The following PTAFR variants were observed in gnomAD, a reference collection of about 807,000 sequenced individuals.
The protein encoded by PTAFR is platelet-activating factor receptor.
PTAFR carries 8 observed loss-of-function variants against 14.7 expected under a neutral mutation model. The ratio of observed to expected loss-of-function variants is 0.54; its 90% CI spans 0.32 to 0.98. PTAFR has a LOEUF of 0.98. PTAFR is among the 50% of genes least tolerant of loss of function. The pLI is 0.04. For synonymous variants in PTAFR, 156 were observed against 176.5 expected (o/e 0.88, Z 0.92); for missense variants, 337 against 451.2 (o/e 0.75, Z 2.29).
At chr1:28,164,420 A>G (rs1192471737) in intron 1 of PTAFR, among the ~76,000 whole-genome samples, 3 of 152,224 alleles carry the variant, frequency 2.0e-5, no homozygotes, top group African/African-American at 4.8e-5. Flanking sequence ...GGGGAACACC[A>G]CATTCCAAGT....
At chr1:28,180,116 C>T (rs1450045082), upstream of PTAFR, among the ~76,000 whole-genome samples, 1 of 152,120 alleles carries the variant, frequency 6.6e-6, no homozygotes, top group Non-Finnish European at 1.5e-5. Context: ...TGAGACCAAC[C>T]TGGGCAAAAC....
intron 1 of PTAFR, among the ~76,000 whole-genome samples, chr1:28,184,493 CAGG>C (rs1557698594): frequency 1.3e-5 from 2 of 152,190 alleles, no homozygotes; most frequent in Admixed American, 1.3e-4. Context: ...ATCTCACGTA[CAGG>C]AGAAGTCAAA....
chr1:28,172,491 G>T (rs1260676290), intron 1 of PTAFR, among the ~76,000 whole-genome samples: 1 of 152,214 alleles, frequency 6.6e-6, no homozygotes, highest in Non-Finnish European at 1.5e-5. Context: ...CTTCCTTGCT[G>T]CGTGATCCTT....
chr1:28,151,270 C>G (rs1171211736), intron 1 of PTAFR, among the ~76,000 whole-genome samples: 1 of 151,984 alleles, frequency 6.6e-6, no homozygotes, highest in Non-Finnish European at 1.5e-5. Context: ...ACCTCCGCCT[C>G]CCGGGTTCAA....
chr1:28,149,944 C>G lies in PTAFR; in HGVS notation c.*49G>C, dbSNP rs1019046206. ...GTAGATATCCCTTCTTCCCCCAGCT[C>G]AGTCCATGATGTTCATGGAGGAGAA... is the stretch of plus-strand genomic sequence containing the variant. On this transcript the variant is annotated 3_prime_UTR_variant, in exon 2 of 2. Transcript: ENST00000373857. 1 of 1,563,236 alleles carries G rather than the reference C, an allele frequency of 6.4e-7. No individual in the cohort carries two copies. The highest frequency in any genetic ancestry group is 1.4e-5 in the African/African-American group (1 of 73,964).
chr1:28,164,905 T>C (rs1646365127), intron 1 of PTAFR, among the ~76,000 whole-genome samples: 1 of 152,224 alleles, frequency 6.6e-6, no homozygotes, highest in South Asian at 2.1e-4. Flanking sequence ...AGGGATGGCA[T>C]GACCTGCTCT....
At chr1:28,173,783 T>C (rs1572043440) in intron 1 of PTAFR, among the ~76,000 whole-genome samples, 1 of 151,196 alleles carries the variant, frequency 6.6e-6, no homozygotes, top group Admixed American at 6.6e-5. Flanking sequence ...ACCAAGGGGG[T>C]GGGGAGGGGT....
chr1:28,185,683 A>G (rs1424909166), intron 1 of PTAFR, among the ~76,000 whole-genome samples: 3 of 148,654 alleles, frequency 2.0e-5, no homozygotes, highest in Admixed American at 1.3e-4. Context: ...TCTGTTGTAA[A>G]GACTATCAGA....
chr1:28,153,581 C>CAAAA (rs36049566), intron 1 of PTAFR, among the ~76,000 whole-genome samples: 7 of 62,634 alleles, frequency 1.1e-4, no homozygotes, highest in Admixed American at 1.8e-4. Context: ...CCTGTCTCTA[C>CAAAA]AAAAAAAAAA....
chr1:28,158,568 C>T (rs575105276), intron 1 of PTAFR, among the ~76,000 whole-genome samples: 2 of 152,024 alleles, frequency 1.3e-5, no homozygotes, highest in Non-Finnish European at 2.9e-5. Flanking sequence ...TGTGGTGGCA[C>T]GCATCTGTAA....
intron 1 of PTAFR, among the ~76,000 whole-genome samples, 155 bp downstream of exon 1, chr1:28,176,437 C>G (rs1317361589): frequency 7.1e-6 from 1 of 140,616 alleles, no homozygotes; most frequent in Non-Finnish European, 1.5e-5. Context: ...AGTGAGAGAC[C>G]CTGTCTCAAA....
chr1:28,186,898 C>T (rs1338509092), intron 1 of PTAFR, among the ~76,000 whole-genome samples: 1 of 152,158 alleles, frequency 6.6e-6, no homozygotes, highest in Non-Finnish European at 1.5e-5. Flanking sequence ...GCACTCCAGC[C>T]TGGGTAACAG....
chr1:28,167,553 A>C (rs1646399139), intron 1 of PTAFR, among the ~76,000 whole-genome samples: 1 of 152,100 alleles, frequency 6.6e-6, no homozygotes, highest in South Asian at 2.1e-4. Flanking sequence ...AAGCTCCTCA[A>C]AAAACTAAAA....
chr1:28,185,468 G>A (rs1011352019), intron 1 of PTAFR, among the ~76,000 whole-genome samples: 7 of 152,090 alleles, frequency 4.6e-5, no homozygotes, highest in African/African-American at 1.7e-4. Context: ...TGTGAGTATC[G>A]CTTTTCTCAT....
chr1:28,160,292 GTTTA>G (rs1037214671), intron 1 of PTAFR, among the ~76,000 whole-genome samples: 8 of 150,452 alleles, frequency 5.3e-5, no homozygotes, highest in Admixed American at 3.3e-4. Flanking sequence ...TTAAAAAAAT[GTTTA>G]TTTATTTAGG....
intron 1 of PTAFR, among the ~76,000 whole-genome samples, chr1:28,186,318 C>A (rs1303033036): frequency 1.3e-5 from 2 of 150,590 alleles, no homozygotes; most frequent in African/African-American, 4.9e-5. Flanking sequence ...AAGGAAATTA[C>A]AAAAGTTATT....
upstream of PTAFR, among the ~76,000 whole-genome samples, chr1:28,177,774 C>T (rs1285242743): frequency 1.3e-5 from 2 of 151,314 alleles, no homozygotes; most frequent in African/African-American, 4.9e-5. Flanking sequence ...GGGTTGGCAG[C>T]GTATGAGTTC....
rs1372504152 is a variant in PTAFR, at chr1:28,147,219, T to C, written c.*2774A>G. ...TAAATGGACAGTTGGTACACAGATATTGCAAAAATTTCGAGGCGGGTACAT... is the reference window on the plus strand; with the variant it reads ...TAAATGGACAGTTGGTACACAGATACTGCAAAAATTTCGAGGCGGGTACAT... On this transcript the variant is annotated 3_prime_UTR_variant, in exon 2 of 2. Transcript: ENST00000373857. 6.6e-6 allele frequency: 1 copy of C among 152,190 alleles called. No individual in the cohort carries two copies. The highest frequency in any genetic ancestry group is 2.4e-5 in the African/African-American group (1 of 41,450). 9.4% of individuals were successfully genotyped at this position (152,190 alleles called of 1,614,324 possible).
chr1:28,163,515 C>G lies in PTAFR; in HGVS notation c.-38-12456G>C, dbSNP rs186052419. ...TGGAGTGGGTTAGGGAGAACAAGGT[C>G]TCTGGAGTCAGAAAGGTCTACAGGT... On this transcript the variant is annotated intron_variant, in intron 1 of 1. Coordinates refer to ENST00000373857, the MANE Select transcript of PTAFR (RefSeq NM_000952.5). 1.6e-3 allele frequency among the ~76,000 whole-genome samples: 240 copies of G among 152,342 alleles called. 1 individual carries two copies. Among genetic ancestry groups the G allele is most frequent in the Non-Finnish European group, 9.1e-4 (62 of 68,026 alleles).
Sources: allele counts gnomAD v4.1 joint callset (sites outside exome capture counted in the v4.1 genomes callset), GRCh38; gene constraint gnomAD v4.1.1; transcripts MANE v1.5; gene names NCBI Gene and HGNC (gene_info 2026-07-23, HGNC 2026-07-21).